Variants in EPS8L3 observed in about 807,000 individuals in gnomAD.
EPS8L3 encodes the protein epidermal growth factor receptor kinase substrate 8-like protein 3.
Under a neutral mutation model 88.5 loss-of-function variants are expected in EPS8L3, and 80 were observed. That is an observed-to-expected ratio of 0.90 (90% CI 0.75 to 1.09). The LOEUF (loss-of-function observed/expected upper bound fraction) is 1.09. Among genes scored for constraint, EPS8L3 ranks in the 50% least tolerant of loss-of-function variants. The pLI is 0.00. For missense variants in EPS8L3, 721 were observed against 735.2 expected (o/e 0.98, Z 0.22); for synonymous variants, 286 against 291.0 (o/e 0.98, Z 0.18).
chr1:109,750,270 TG>T lies in EPS8L3; in HGVS notation c.*120del. On this transcript the variant is annotated 3_prime_UTR_variant, in exon 19 of 19. Coordinates refer to ENST00000361965, the MANE Select transcript of EPS8L3 (RefSeq NM_133181.4). The stretch of plus-strand genomic sequence containing the variant: ...TGTCCATTGTTTTTGCTGTGTGAGC[TG>T]GGGTGTGGGGTTTGCTGCAAACTGG... 8.3e-7 allele frequency: 1 copy of T among 1,205,470 alleles called. No homozygotes were observed. The highest frequency in any genetic ancestry group is 1.2e-6 in the Non-Finnish European group (1 of 834,316). The allele number at this position is 1,205,470 out of a possible 1,614,324, so 74.7% of individuals were successfully genotyped here.
At chr1:109,754,816 G>A (rs1331054722) in intron 12 of EPS8L3, among the ~76,000 whole-genome samples, 2 of 152,186 alleles carry the variant, frequency 1.3e-5, no homozygotes, top group Non-Finnish European at 2.9e-5. Context: ...CAGACAGTGG[G>A]AGCCCAGCAC....
chr1:109,753,006 G>T, intron 13 of EPS8L3, 111 bp downstream of exon 13: 2 of 971,876 alleles, frequency 2.1e-6, no homozygotes, highest in Non-Finnish European at 1.6e-6. Flanking sequence ...GAATTTGCTG[G>T]CTTGCCAGTG....
rs1049290977 is a variant in EPS8L3, at chr1:109,759,442, G to T, written c.256-55C>A. The T allele has an allele frequency of 1.3e-6, 2 of 1,594,338 alleles. No homozygotes were observed. The highest frequency in any genetic ancestry group is 2.7e-5 in the African/African-American group (2 of 74,690). Reference sequence around the variant, plus strand: ...GCCACCAGAGCTAGGTGTGGCTTCTGGGAGCTCCTGACCAGCTCATCCTAG... The same window carrying T: ...GCCACCAGAGCTAGGTGTGGCTTCTTGGAGCTCCTGACCAGCTCATCCTAG... On this transcript the variant is annotated intron_variant, in intron 4 of 18. Transcript: ENST00000361965. The surrounding 1 kb of genome is among the most constrained non-coding windows in gnomAD (Gnocchi z 4.2).
chr1:109,762,654 G>A (rs1475695517), intron 1 of EPS8L3, among the ~76,000 whole-genome samples: 4 of 152,168 alleles, frequency 2.6e-5, no homozygotes, highest in Non-Finnish European at 4.4e-5. Context: ...GCCTAGCACT[G>A]TTCTAACGGC....
chr1:109,757,397 C>T (rs1650390615), intron 11 of EPS8L3, 84 bp downstream of exon 11: 1 of 1,375,226 alleles, frequency 7.3e-7, no homozygotes, highest in Non-Finnish European at 1.0e-6. Context: ...CTCCCCCATC[C>T]CCCTCCACCA....
At chr1:109,751,902 C>G (rs1649830643) in intron 15 of EPS8L3, 93 bp downstream of exon 15, 1 of 1,566,366 alleles carries the variant, frequency 6.4e-7, no homozygotes, top group Middle Eastern at 1.7e-4. Flanking sequence ...GGCCACCCAC[C>G]TTGGCAGCTC....
intron 12 of EPS8L3, among the ~76,000 whole-genome samples, chr1:109,754,900 T>A (rs1267212498): frequency 2.0e-5 from 3 of 152,168 alleles, no homozygotes; most frequent in African/African-American, 7.2e-5. Flanking sequence ...AACTCTGGTA[T>A]GAGATGGGAG....
intron 17 of EPS8L3, 134 bp from the exon 18 acceptor site, chr1:109,750,926 T>C (rs1283911507): frequency 1.9e-6 from 2 of 1,049,828 alleles, no homozygotes; most frequent in South Asian, 1.6e-5. Flanking sequence ...CTATCTGAGA[T>C]TGAAGGAGTA....
In EPS8L3 at chr1:109,759,404, G is replaced by A. The variant is rs749339779; in HGVS notation, c.256-17C>T. ...CAGCTCCTCCTGGGCCAGGTGGAGA[G>A]GTCAACTGTGAGGCCACCAGAGCTA... On this transcript the variant is annotated splice_polypyrimidine_tract_variant and intron_variant, in intron 4 of 18. Transcript: ENST00000361965. The surrounding 1 kb of genome is among the most constrained non-coding windows in gnomAD (Gnocchi z 4.2). 1 of 1,611,612 alleles carries A rather than the reference G, an allele frequency of 6.2e-7. No homozygotes were observed. The highest frequency in any genetic ancestry group is 8.5e-7 in the Non-Finnish European group (1 of 1,178,682).
At chr1:109,757,913 C>A (rs375363667) in intron 9 of EPS8L3, 31 bp downstream of exon 9, 3 of 1,613,574 alleles carry the variant, frequency 1.9e-6, no homozygotes, top group East Asian at 2.2e-5. Flanking sequence ...TGAGACACCC[C>A]TACTCCTCTT....
chr1:109,760,029 A>G (rs757354204), intron 3 of EPS8L3, 193 bp from the exon 4 acceptor site: 3 of 603,602 alleles, frequency 5.0e-6, no homozygotes, highest in Non-Finnish European at 8.7e-6. Context: ...GGGGCCAGGG[A>G]TAGGGCCTCC....
Position 109,751,682 on chromosome 1 carries a change from G to A in EPS8L3, c.1535C>T (p.Pro512Leu), listed in dbSNP as rs1649804521. Reference protein sequence around the residue: ...NILEPLQPGTPGTQGQSPSRV... With the variant: ...NILEPLQPGTLGTQGQSPSRV... ...AGAGGGTGACTGGCCCTGGGTCCCA[G>A]GGGTCCCCGGCTGTAGGGGCTCCAG... The change falls in exon 16 of 19, where the codon CCT becomes CTT. Residue 512 changes from proline to leucine, a missense_variant. By Grantham distance (98) the Pro-to-Leu change is moderately conservative (BLOSUM62 -3). Transcript: ENST00000361965. 1.2e-6 allele frequency: 2 copies of A among 1,613,840 alleles called. No homozygotes were observed. Among genetic ancestry groups the A allele is most frequent in the Admixed American group, 3.3e-5 (2 of 59,994 alleles).
In EPS8L3 at chr1:109,759,814, C is replaced by T. The variant is rs374644092; in HGVS notation, c.119G>A (p.Gly40Glu). ...CTCGGGCCCCTGGACTCTCTGACTC[C>T]CCTGCTTGCATGTCATCAAGTGCTG... is the stretch of plus-strand genomic sequence containing the variant. Reference protein sequence around the residue: ...RVEHLMTCKQGSQRVQGPEDA... With the variant: ...RVEHLMTCKQESQRVQGPEDA... The change falls in exon 4 of 19, where the codon GGG (glycine) becomes GAG (glutamate). Residue 40 changes from glycine (G) to glutamate (E), a missense_variant. Transcript: ENST00000361965. This position sits in a 1 kb window ranked among gnomAD's most constrained non-coding sequence, Gnocchi z 4.2. The T allele has an allele frequency of 1.2e-6, 2 of 1,613,880 alleles. No homozygotes were observed. Among genetic ancestry groups the T allele is most frequent in the East Asian group, 2.2e-5 (1 of 44,896 alleles).
At chr1:109,755,004 A>G (rs1321232512) in intron 12 of EPS8L3, among the ~76,000 whole-genome samples, 1 of 152,258 alleles carries the variant, frequency 6.6e-6, no homozygotes, top group African/African-American at 2.4e-5. Context: ...CTGTCCATCA[A>G]CAGATGAATA....
chr1:109,756,978 C>T (rs910186993), intron 12 of EPS8L3, 39 bp downstream of exon 12: 2 of 1,613,916 alleles, frequency 1.2e-6, no homozygotes, highest in Non-Finnish European at 1.7e-6. Flanking sequence ...CCTCCATGCC[C>T]CTCACCCCCG....
Position 109,759,592 on chromosome 1 carries a change from G to A in EPS8L3, c.255+86C>T. ...TATGTGGGGAGAGTGGCTGCCCTTT[G>A]GGGCATGGAGGGTGGAGTTCAAGAG... On this transcript the variant is annotated intron_variant, in intron 4 of 18. Coordinates refer to ENST00000361965, the MANE Select transcript of EPS8L3 (RefSeq NM_133181.4). This position sits in a 1 kb window ranked among gnomAD's most constrained non-coding sequence, Gnocchi z 4.2. 2.0e-6 allele frequency: 3 copies of A among 1,520,690 alleles called. No individual in the cohort carries two copies. The highest frequency in any genetic ancestry group is 8.9e-7 in the Non-Finnish European group (1 of 1,127,696). The allele number at this position is 1,520,690 out of a possible 1,614,324, so 94.2% of individuals were successfully genotyped here.
chr1:109,751,442 T>G, intron 16 of EPS8L3, 91 bp from the exon 17 acceptor site: 1 of 1,409,538 alleles, frequency 7.1e-7, no homozygotes, highest in Non-Finnish European at 9.9e-7. Context: ...CAGGTTCCCA[T>G]CAAATCACTT....
intron 12 of EPS8L3, 110 bp from the exon 13 acceptor site, chr1:109,753,308 G>A: frequency 4.9e-6 from 4 of 819,236 alleles, no homozygotes; most frequent in Non-Finnish European, 7.6e-6. Flanking sequence ...GAATCTTTTG[G>A]CTAATAGGTG....
In EPS8L3 at chr1:109,759,453, A is replaced by G; in HGVS notation, c.256-66T>C. ...TAGGTGTGGCTTCTGGGAGCTCCTG[A>G]CCAGCTCATCCTAGCCCTTTGGTGG... On this transcript the variant is annotated intron_variant, in intron 4 of 18. Transcript: ENST00000361965. This position sits in a 1 kb window ranked among gnomAD's most constrained non-coding sequence, Gnocchi z 4.2. 7 of 1,587,748 alleles carry G rather than the reference A, an allele frequency of 4.4e-6. No individual in the cohort carries two copies. The Middle Eastern group carries it at 5.1e-4, about 115-fold the overall frequency.
Sources: allele counts gnomAD v4.1 joint callset (sites outside exome capture counted in the v4.1 genomes callset), GRCh38; gene constraint gnomAD v4.1.1; non-coding constraint Gnocchi (gnomAD v3.1); transcripts MANE v1.5; gene names NCBI Gene and HGNC (gene_info 2026-07-23, HGNC 2026-07-21).